The following FAM120B variants were observed in gnomAD, a reference collection of about 807,000 sequenced individuals.
FAM120B encodes the protein family with sequence similarity 120 member B.
FAM120B carries 83 observed loss-of-function variants against 96.3 expected under a neutral mutation model. The ratio of observed to expected loss-of-function variants is 0.86; its 90% CI spans 0.72 to 1.03. The LOEUF is 1.03. Among genes scored for constraint, FAM120B ranks in the 50% least tolerant of loss-of-function variants. FAM120B has a pLI of 0.00. For missense variants in FAM120B, 1,027 were observed against 1,121.2 expected (o/e 0.92, Z 1.20); for synonymous variants, 407 against 402.7 (o/e 1.01, Z -0.13).
chr6:170,358,694 G>A (rs922783989), intron 6 of FAM120B, among the ~76,000 whole-genome samples: 4 of 152,342 alleles, frequency 2.6e-5, no homozygotes, highest in East Asian at 1.9e-4. Flanking sequence ...GGGCCGCCTG[G>A]CACCTTCCTG....
At position 170,318,252 on chromosome 6, in the gene FAM120B, T is replaced by C. The variant is rs570881017; in HGVS notation, c.862T>C (p.Leu288=). Reference sequence around the variant, plus strand: ...AGGTGAGAAAAAATTAGAAGAGATATTACCTCTGGGACCAAACAAAGCTCT... The same window carrying C: ...AGGTGAGAAAAAATTAGAAGAGATACTACCTCTGGGACCAAACAAAGCTCT... The part of the protein sequence containing the change: ...YQGEKKLEEI[L]PLGPNKALFY... Residue 288 remains leucine, a synonymous_variant, in exon 2 of 11, where the codon TTA becomes CTA. Transcript: ENST00000476287. 1.8e-5 allele frequency: 29 copies of C among 1,613,946 alleles called. No homozygotes were observed. The highest frequency in any genetic ancestry group is 2.2e-5 in the Non-Finnish European group (26 of 1,179,988).
intron 1 of FAM120B, among the ~76,000 whole-genome samples, chr6:170,308,329 GCACACCCCCACA>G (rs112125295): frequency 0.11 from 17,216 of 151,848 alleles, 1,285 homozygotes; most frequent in East Asian, 0.31. Context: ...TCATACACAC[GCACACCCCCACA>G]CACACCCCAT....
intron 6 of FAM120B, among the ~76,000 whole-genome samples, chr6:170,368,165 T>C (rs1271445821): frequency 1.3e-5 from 2 of 152,230 alleles, no homozygotes; most frequent in Non-Finnish European, 2.9e-5. Context: ...TCAAGCACTT[T>C]TGTCTTATAG....
Position 170,377,104 on chromosome 6 carries a change from G to A in FAM120B, c.2284-11183G>A, listed in dbSNP as rs866922191. On this transcript the variant is annotated intron_variant, in intron 6 of 10. Coordinates refer to ENST00000476287, the MANE Select transcript of FAM120B (RefSeq NM_032448.3). ...TCACGCTGCTCGGTGCTGTGCACAC[G>A]CGTCCCTAATCCCAGATGCCTGGGA... Among the ~76,000 whole-genome samples the A allele has an allele frequency of 9.4e-5, 12 of 127,980 alleles. 1 individual carries two copies. The highest frequency in any genetic ancestry group is 1.5e-4 in the Admixed American group (2 of 13,110). The allele number at this position is 127,980 out of a possible 152,430, so 84.0% of individuals were successfully genotyped here. A position where few individuals can be genotyped will look rare whatever the true frequency, so the allele number is the denominator to read the frequency against.
chr6:170,325,502 T>C (rs181527879), intron 3 of FAM120B, among the ~76,000 whole-genome samples: 4 of 151,802 alleles, frequency 2.6e-5, no homozygotes. Flanking sequence ...GTATTGTGTT[T>C]TATGCACTCA....
intron 2 of FAM120B, among the ~76,000 whole-genome samples, chr6:170,320,753 G>T (rs763624614): frequency 1.1e-4 from 17 of 152,220 alleles, no homozygotes; most frequent in Non-Finnish European, 2.4e-4. Flanking sequence ...TAAAGTAAAA[G>T]ATGATGTGGG....
intron 4 of FAM120B, among the ~76,000 whole-genome samples, chr6:170,347,865 G>A (rs369726658): frequency 6.6e-5 from 10 of 152,250 alleles, no homozygotes; most frequent in African/African-American, 2.4e-4. Flanking sequence ...TTGAGACAGC[G>A]CATTTGAAAG....
At chr6:170,396,991 C>A (rs1474309682) in intron 9 of FAM120B, among the ~76,000 whole-genome samples, 1 of 152,232 alleles carries the variant, frequency 6.6e-6, no homozygotes, top group Admixed American at 6.5e-5. Context: ...CAGTTAGCTT[C>A]TCCACCCTGG....
rs572203931 is a variant in FAM120B at position 170,350,952 on chromosome 6, G to A, written c.2190+2629G>A. 7.2e-5 allele frequency among the ~76,000 whole-genome samples: 11 copies of A among 152,336 alleles called. No individual in the cohort carries two copies. In the East Asian group the frequency reaches 1.7e-3, roughly 24 times the overall value. ...GGGCTGAGGCTAAAATGCCTAAATC[G>A]ACAGAAGTAGGCTTCAGAAGGTGGG... On this transcript the variant is annotated intron_variant, in intron 5 of 10. Coordinates refer to ENST00000476287, the MANE Select transcript of FAM120B (RefSeq NM_032448.3).
chr6:170,385,544 T>A (rs1020114839), intron 6 of FAM120B, among the ~76,000 whole-genome samples: 7 of 152,174 alleles, frequency 4.6e-5, no homozygotes, highest in Admixed American at 4.6e-4. Flanking sequence ...GAGTTCTCCC[T>A]CCTTGCTGGT....
rs6900199 is a variant in FAM120B at position 170,318,673 on chromosome 6, A to G, written c.1283A>G (p.Tyr428Cys). Reference protein sequence around the residue: ...GPEARQEVPMYTDSEPRQEVP... With the variant: ...GPEARQEVPMCTDSEPRQEVP... The stretch of plus-strand genomic sequence containing the variant: ...GAAGCCAGGCAAGAAGTTCCCATGT[A>G]TACAGACTCTGAACCCAGGCAAGAA... The change falls in exon 2 of 11, where the codon TAT becomes TGT. Residue 428 changes from tyrosine to cysteine, a missense_variant. Tyr to Cys is a radical substitution (Grantham distance 194). This residue lies in a region of FAM120B where 880 missense variants were observed against 980.9 expected (regional missense o/e 0.90). Transcript: ENST00000476287. 0.14 allele frequency: 230,888 copies of G among 1,606,686 alleles called. 18,014 individuals carry two copies. Among genetic ancestry groups the G allele is most frequent in the East Asian group, 0.31 (13,569 of 44,420 alleles).
At chr6:170,299,832 G>T (rs938996872) in intron 1 of FAM120B, among the ~76,000 whole-genome samples, 1 of 152,208 alleles carries the variant, frequency 6.6e-6, no homozygotes, top group African/African-American at 2.4e-5. Flanking sequence ...AGGCCCAAGT[G>T]CTCTCCTTCT....
At position 170,391,103 on chromosome 6, in the gene FAM120B, T is replaced by G. The variant is rs1790457190; in HGVS notation, c.2581T>G (p.Trp861Gly). 6.2e-6 allele frequency: 10 copies of G among 1,613,658 alleles called. No individual in the cohort carries two copies. Among genetic ancestry groups the G allele is most frequent in the South Asian group, 1.1e-5 (1 of 91,052 alleles). ...CAGACGCATCACTGGCCGAGCCCACTGGGGCTCACACCACGCAGGTGGGAA... is the reference window on the plus strand; with the variant it reads ...CAGACGCATCACTGGCCGAGCCCACGGGGGCTCACACCACGCAGGTGGGAA... Reference protein sequence around the residue: ...ENRRITGRAHWGSHHAGRWGR... With the variant: ...ENRRITGRAHGGSHHAGRWGR... Residue 861 changes from tryptophan to glycine, a missense_variant, in exon 8 of 11, where the codon TGG (tryptophan) becomes GGG (glycine). Trp to Gly is a radical substitution (Grantham distance 184). Coordinates refer to ENST00000476287, the MANE Select transcript of FAM120B (RefSeq NM_032448.3).
chr6:170,328,258 CTT>C (rs1785737711), intron 3 of FAM120B, among the ~76,000 whole-genome samples: 1 of 152,072 alleles, frequency 6.6e-6, no homozygotes. Flanking sequence ...ACTTTAGAAA[CTT>C]TTAATTTTTT....
chr6:170,359,208 C>G (rs1309312120), intron 6 of FAM120B, among the ~76,000 whole-genome samples: 3 of 152,144 alleles, frequency 2.0e-5, no homozygotes, highest in Admixed American at 6.5e-5. Context: ...CCAGACCAGC[C>G]TGGCCAACAT....
upstream of FAM120B, among the ~76,000 whole-genome samples, chr6:170,304,441 C>T (rs1784209488): frequency 6.6e-6 from 1 of 152,220 alleles, no homozygotes; most frequent in Non-Finnish European, 1.5e-5. Flanking sequence ...TGGGCACCTG[C>T]TGGGCCCTTT....
intron 9 of FAM120B, 31 bp downstream of exon 9, chr6:170,395,610 C>T (rs370055226): frequency 6.1e-6 from 9 of 1,486,516 alleles, no homozygotes; most frequent in African/African-American, 1.4e-5. Flanking sequence ...TCTGCTGGGC[C>T]ACCTGCATGG....
In FAM120B at chr6:170,370,040, G is replaced by A. The variant is rs927010828; in HGVS notation, c.2283+11722G>A. Among the ~76,000 whole-genome samples the A allele has an allele frequency of 6.6e-6, 1 of 152,196 alleles. No individual in the cohort carries two copies. The highest frequency in any genetic ancestry group is 2.4e-5 in the African/African-American group (1 of 41,450). On this transcript the variant is annotated intron_variant, in intron 6 of 10. Transcript: ENST00000476287. This position sits in a 1 kb window ranked among gnomAD's most constrained non-coding sequence, Gnocchi z 4.3. ...ATGTAATTTCAATTTTACAAAAAAT[G>A]TACCTTTTTTGAATATAGCAATCTA... is the stretch of plus-strand genomic sequence containing the variant.
intron 1 of FAM120B, among the ~76,000 whole-genome samples, chr6:170,307,486 A>G (rs527735592): frequency 1.9e-4 from 29 of 152,300 alleles, no homozygotes; most frequent in Non-Finnish European, 3.8e-4. Flanking sequence ...AAATTTCCAT[A>G]AAGGTTGGAT....
Sources: gnomAD v4.1 joint callset for allele counts (sites outside exome capture counted in the v4.1 genomes callset) on GRCh38, gnomAD v4.1.1 for gene constraint, gnomAD v4.1.1 regional missense constraint, Gnocchi (gnomAD v3.1) non-coding constraint, MANE v1.5 for transcripts, NCBI Gene and HGNC (gene_info 2026-07-23, HGNC 2026-07-21) for gene names.